Variants in KDM4C observed in about 807,000 individuals in gnomAD.
KDM4C encodes the protein lysine demethylase 4C, also known as lysine-specific demethylase 4C.
Under a neutral mutation model 129.3 loss-of-function variants are expected in KDM4C, and 81 were observed. The ratio of observed to expected loss-of-function variants is 0.63; its 90% CI spans 0.52 to 0.75. KDM4C has a LOEUF of 0.75. Ranked by LOEUF, KDM4C falls within the 30% of genes least tolerant of loss-of-function variation. The probability of loss-of-function intolerance (pLI) is 0.00; values close to 1 mark genes in which losing one functional copy is unlikely to be tolerated. For missense variants in KDM4C, 1,457 were observed against 1,304.0 expected, an observed-to-expected ratio of 1.12 and a Z score of -1.81; for synonymous variants, 573 against 456.1, an observed-to-expected ratio of 1.26 and a Z score of -3.26.
chr9:6,881,507 A>G (rs750319688), intron 6 of KDM4C, among the ~76,000 whole-genome samples: 1 of 152,206 alleles, frequency 6.6e-6, no homozygotes, highest in African/African-American at 2.4e-5. Context: ...CTTCTCTGTA[A>G]TAAAATTTTT....
intron 6 of KDM4C, among the ~76,000 whole-genome samples, chr9:6,881,633 TA>T (rs1480509931): frequency 1.3e-5 from 2 of 152,236 alleles, no homozygotes; most frequent in African/African-American, 4.8e-5. Context: ...TGCTTTGACG[TA>T]AACTGTCTGA....
chr9:6,850,718 C>T (rs1838684821), intron 5 of KDM4C, among the ~76,000 whole-genome samples: 1 of 151,752 alleles, frequency 6.6e-6, no homozygotes. Context: ...AGGCATGAGC[C>T]ACCACACCCA....
chr9:7,100,129 G>A (rs1836903419), intron 17 of KDM4C, among the ~76,000 whole-genome samples: 1 of 152,050 alleles, frequency 6.6e-6, no homozygotes, highest in South Asian at 2.1e-4. Context: ...TGGCGTGATG[G>A]CTCATGCCTG....
intron 17 of KDM4C, among the ~76,000 whole-genome samples, chr9:7,096,916 C>T (rs1836505330): frequency 6.6e-6 from 1 of 152,178 alleles, no homozygotes; most frequent in African/African-American, 2.4e-5. Flanking sequence ...CTCACCTGGG[C>T]AAGTGAAGTT....
intron 5 of KDM4C, among the ~76,000 whole-genome samples, chr9:6,866,462 A>T (rs945636090): frequency 6.6e-6 from 1 of 151,730 alleles, no homozygotes; most frequent in Non-Finnish European, 1.5e-5. Flanking sequence ...TGTGGGACAG[A>T]CCTCCTACAG....
chr9:7,121,029 C>G (rs10976048), intron 18 of KDM4C, among the ~76,000 whole-genome samples: 32,217 of 151,974 alleles, frequency 0.21, 3,511 homozygotes, highest in Non-Finnish European at 0.24. Context: ...TAAATAAATC[C>G]CATTACCCAG....
intron 19 of KDM4C, among the ~76,000 whole-genome samples, chr9:7,147,376 G>T (rs375527459): frequency 6.6e-6 from 1 of 152,122 alleles, no homozygotes. Flanking sequence ...TCTCCCCTGC[G>T]TGCCTATCCT....
At chr9:7,112,366 A>G (rs1424560644) in intron 18 of KDM4C, among the ~76,000 whole-genome samples, 7 of 151,980 alleles carry the variant, frequency 4.6e-5, no homozygotes, top group African/African-American at 1.7e-4. Flanking sequence ...AGTAGAAGGG[A>G]TTGATTAGAG....
chr9:7,135,103 G>A (rs1288163275), intron 19 of KDM4C, among the ~76,000 whole-genome samples: 1 of 152,146 alleles, frequency 6.6e-6, no homozygotes, highest in African/African-American at 2.4e-5. Flanking sequence ...TACGAATTGT[G>A]TGTGTCTCAC....
chr9:6,825,014 C>T (rs1057307120), intron 4 of KDM4C, among the ~76,000 whole-genome samples: 19 of 151,942 alleles, frequency 1.3e-4, no homozygotes, highest in Admixed American at 7.9e-4. Flanking sequence ...GGTGTGGTGA[C>T]ATGCACCTGT....
chr9:7,164,253 G>A (rs182245488), intron 19 of KDM4C, among the ~76,000 whole-genome samples: 1 of 151,822 alleles, frequency 6.6e-6, no homozygotes, highest in East Asian at 1.9e-4. Context: ...AAATTGTATT[G>A]TGTCCTACTC....
upstream of KDM4C, among the ~76,000 whole-genome samples, chr9:6,754,192 A>T (rs1421704313): frequency 6.7e-6 from 1 of 148,832 alleles, no homozygotes; most frequent in Non-Finnish European, 1.5e-5. Context: ...AATTCTGTAT[A>T]TTTGTTTTGT....
intron 8 of KDM4C, among the ~76,000 whole-genome samples, chr9:6,937,015 CATTTT>C (rs1403206300): frequency 6.6e-6 from 1 of 152,044 alleles, no homozygotes; most frequent in Non-Finnish European, 1.5e-5. Flanking sequence ...ATATTTTGGC[CATTTT>C]ATTGTGTAGA....
At chr9:7,023,732 T>C (rs895862558) in intron 15 of KDM4C, among the ~76,000 whole-genome samples, 2 of 152,196 alleles carry the variant, frequency 1.3e-5, no homozygotes, top group African/African-American at 4.8e-5. Context: ...GGTTGTTTAT[T>C]TGAAGTTTTT....
chr9:6,967,033 G>A (rs1279434537), intron 8 of KDM4C, among the ~76,000 whole-genome samples: 1 of 152,132 alleles, frequency 6.6e-6, no homozygotes, highest in Non-Finnish European at 1.5e-5. Flanking sequence ...TTTGCAAAAC[G>A]TGTCTGATAA....
At chr9:6,939,951 C>A (rs1362951747) in intron 8 of KDM4C, among the ~76,000 whole-genome samples, 1 of 112,940 alleles carries the variant, frequency 8.9e-6, no homozygotes, top group Non-Finnish European at 2.1e-5. Context: ...GCTTTAAATC[C>A]AATAACCAAC....
chr9:6,910,450 A>G (rs1052032152), intron 8 of KDM4C, among the ~76,000 whole-genome samples: 2 of 152,192 alleles, frequency 1.3e-5, no homozygotes, highest in African/African-American at 2.4e-5. Context: ...CTCCACACCA[A>G]AATTAGAAAA....
intron 4 of KDM4C, among the ~76,000 whole-genome samples, chr9:6,816,922 C>T (rs577814724): frequency 6.7e-6 from 1 of 150,232 alleles, no homozygotes; most frequent in African/African-American, 2.5e-5. Flanking sequence ...CTTTATATAT[C>T]CTGCGTATGA....
chr9:6,964,336 G>C (rs1206842774), intron 8 of KDM4C, among the ~76,000 whole-genome samples: 1 of 151,660 alleles, frequency 6.6e-6, no homozygotes, highest in Admixed American at 6.6e-5. Context: ...GAGAACATGC[G>C]GGGTTTGGTT....
Sources: gnomAD v4.1 joint callset for allele counts (sites outside exome capture counted in the v4.1 genomes callset) on GRCh38, gnomAD v4.1.1 for gene constraint, MANE v1.5 for transcripts, NCBI Gene and HGNC (gene_info 2026-07-23, HGNC 2026-07-21) for gene names.